MGAT4C: variants seen among roughly 807,000 people sequenced by gnomAD.
MGAT4C encodes alpha-1,3-mannosyl-glycoprotein 4-beta-N-acetylglucosaminyltransferase C.
In MGAT4C, 19 loss-of-function variants were observed where a neutral mutation model predicts 40.1. The observed-to-expected ratio is 0.47, with a 90% CI of 0.33 to 0.70. The LOEUF is 0.70. Among genes scored for constraint, MGAT4C ranks in the 30% least tolerant of loss-of-function variants. The probability of loss-of-function intolerance (pLI) is 0.02; values close to 1 mark genes in which losing one functional copy is unlikely to be tolerated. For synonymous variants in MGAT4C, 181 were observed against 187.1 expected (o/e 0.97, Z 0.27); for missense variants, 491 against 563.2 (o/e 0.87, Z 1.30).
chr12:86,447,086 T>C (rs920870664), intron 2 of MGAT4C, among the ~76,000 whole-genome samples: 3 of 151,952 alleles, frequency 2.0e-5, no homozygotes, highest in African/African-American at 7.3e-5. Flanking sequence ...CCTAAATGAG[T>C]GTCCTTTTTG....
intron 2 of MGAT4C, among the ~76,000 whole-genome samples, chr12:86,519,024 G>A (rs1174707439): frequency 1.3e-5 from 2 of 152,148 alleles, no homozygotes; most frequent in Admixed American, 1.3e-4. Flanking sequence ...GGTGAGTAGT[G>A]CCTAGTCCTA....
intron 1 of MGAT4C, among the ~76,000 whole-genome samples, chr12:86,090,239 G>T (rs927136616): frequency 6.6e-6 from 1 of 151,352 alleles, no homozygotes; most frequent in African/African-American, 2.4e-5. Context: ...ATATATGATG[G>T]TACTAAACAT....
intron 2 of MGAT4C, among the ~76,000 whole-genome samples, chr12:86,606,674 T>G (rs1257747915): frequency 1.3e-5 from 2 of 152,100 alleles, no homozygotes; most frequent in Non-Finnish European, 2.9e-5. Flanking sequence ...AAAGATGCAT[T>G]TTTAACAGTC....
chr12:86,139,377 T>C (rs996659499), intron 1 of MGAT4C, among the ~76,000 whole-genome samples: 1 of 152,110 alleles, frequency 6.6e-6, no homozygotes, highest in African/African-American at 2.4e-5. Context: ...CCCTAAAATA[T>C]ATTGTTTATT....
intron 2 of MGAT4C, among the ~76,000 whole-genome samples, chr12:86,612,578 C>T (rs959106700): frequency 1.3e-5 from 2 of 151,658 alleles, no homozygotes; most frequent in African/African-American, 2.4e-5. Flanking sequence ...GGTGAAACCC[C>T]GTCTTTACTA....
chr12:86,776,990 C>T (rs904863912), intron 1 of MGAT4C, among the ~76,000 whole-genome samples: 1 of 151,962 alleles, frequency 6.6e-6, no homozygotes, highest in Non-Finnish European at 1.5e-5. Flanking sequence ...TAAAATTGTA[C>T]CTAGTAGCTA....
rs139708226 is a variant in MGAT4C at position 86,790,487 on chromosome 12, C to T, written c.-262+48179G>A. 2.1e-3 allele frequency among the ~76,000 whole-genome samples: 317 copies of T among 151,628 alleles called. 1 individual carries two copies. The highest frequency in any genetic ancestry group is 6.2e-3 in the African/African-American group (257 of 41,356). ...TTTTGCTTCTTTCTTAAAAGCATACCGAAAAGAAATCATCTTAAAACTCAG... is the reference window on the plus strand; with the variant it reads ...TTTTGCTTCTTTCTTAAAAGCATACTGAAAAGAAATCATCTTAAAACTCAG... On this transcript the variant is annotated intron_variant, in intron 1 of 7. Transcript: ENST00000548651.
intron 2 of MGAT4C, among the ~76,000 whole-genome samples, chr12:86,709,699 C>G (rs963109655): frequency 2.0e-5 from 3 of 152,088 alleles, no homozygotes; most frequent in African/African-American, 7.2e-5. Context: ...AAAGCAGGAA[C>G]CTTCCCTCTC....
At chr12:86,713,116 AC>A (rs1950587788) in intron 2 of MGAT4C, among the ~76,000 whole-genome samples, 6 of 152,040 alleles carry the variant, frequency 3.9e-5, no homozygotes, top group Non-Finnish European at 8.8e-5. Context: ...ACACACACAC[AC>A]ACCATGCTAT....
At chr12:86,634,253 G>A (rs899947160) in intron 2 of MGAT4C, among the ~76,000 whole-genome samples, 1 of 152,034 alleles carries the variant, frequency 6.6e-6, no homozygotes, top group African/African-American at 2.4e-5. Context: ...AATCTGCCAG[G>A]TGTTACCTGG....
At chr12:86,812,850 T>A (rs1593230718) in intron 1 of MGAT4C, among the ~76,000 whole-genome samples, 1 of 152,110 alleles carries the variant, frequency 6.6e-6, no homozygotes, top group Admixed American at 6.6e-5. Context: ...CTAAATGGGA[T>A]GGAGAGCACT....
rs114750059 is a variant in MGAT4C at position 86,445,172 on chromosome 12, T to A, written c.-228-9907A>T. On this transcript the variant is annotated intron_variant, in intron 2 of 7. Transcript: ENST00000548651. ...TATCAAATCTCACACTTTAAATATG[T>A]GTAGCCTAATTTATGCCAATTATAC... 4.7e-3 allele frequency among the ~76,000 whole-genome samples: 718 copies of A among 152,248 alleles called. 1 individual carries two copies. The highest frequency in any genetic ancestry group is 0.017 in the African/African-American group (690 of 41,540).
intron 1 of MGAT4C, among the ~76,000 whole-genome samples, chr12:86,761,295 G>C (rs1002039409): frequency 6.6e-6 from 1 of 152,094 alleles, no homozygotes; most frequent in Admixed American, 6.5e-5. Context: ...CTTGAATATT[G>C]GTTAATTTGG....
chr12:86,408,024 T>C (rs1050978137), intron 3 of MGAT4C, among the ~76,000 whole-genome samples: 5 of 152,078 alleles, frequency 3.3e-5, no homozygotes, highest in Non-Finnish European at 7.4e-5. Context: ...TCTAATGTTG[T>C]TGCCAGGCAA....
At chr12:86,310,394 CA>C (rs1954042116) in intron 4 of MGAT4C, among the ~76,000 whole-genome samples, 1 of 152,178 alleles carries the variant, frequency 6.6e-6, no homozygotes, top group South Asian at 2.1e-4. Context: ...GGCAAACCAG[CA>C]TTCATACTGG....
chr12:86,479,677 C>T lies in MGAT4C; in HGVS notation c.-228-44412G>A, dbSNP rs529964000. The stretch of plus-strand genomic sequence containing the variant: ...AAAAAATGTCTATAACAACTGTCAG[C>T]AATCTCCAGCAATTTATGGTACTCT... On this transcript the variant is annotated intron_variant, in intron 2 of 7. Transcript: ENST00000548651. Among the ~76,000 whole-genome samples the T allele has an allele frequency of 2.0e-5, 3 of 151,984 alleles. No homozygotes were observed. The South Asian group carries it at 6.2e-4, about 32-fold the overall frequency.
At chr12:86,769,343 G>A (rs1951584500) in intron 1 of MGAT4C, among the ~76,000 whole-genome samples, 1 of 141,750 alleles carries the variant, frequency 7.1e-6, no homozygotes, top group Non-Finnish European at 1.6e-5. Context: ...AGTTAGAATG[G>A]CAATCATTAA....
intron 2 of MGAT4C, among the ~76,000 whole-genome samples, chr12:86,550,552 G>A (rs765020862): frequency 2.6e-5 from 4 of 152,146 alleles, no homozygotes; most frequent in East Asian, 1.9e-4. Flanking sequence ...AGGCCAGTAG[G>A]CACTGCACCT....
intron 4 of MGAT4C, among the ~76,000 whole-genome samples, chr12:86,320,068 G>A (rs1461840724): frequency 6.6e-6 from 1 of 152,110 alleles, no homozygotes; most frequent in Non-Finnish European, 1.5e-5. Flanking sequence ...GTTCTGCCCT[G>A]GGAGCCTCTG....
Sources: gnomAD v4.1 joint callset for allele counts (sites outside exome capture counted in the v4.1 genomes callset) on GRCh38, gnomAD v4.1.1 for gene constraint, MANE v1.5 for transcripts, NCBI Gene and HGNC (gene_info 2026-07-23, HGNC 2026-07-21) for gene names.